ZNF735: variants seen among roughly 807,000 people sequenced by gnomAD.
ZNF735 encodes zinc finger protein 735, also known as putative zinc finger protein 735.
ZNF735 carries 11 observed loss-of-function variants against 13.4 expected under a neutral mutation model. The observed-to-expected ratio is 0.82, with a 90% confidence interval of 0.52 to 1.36. ZNF735 has a LOEUF of 1.36. Ranked by LOEUF, ZNF735 falls within the 40% of genes most tolerant of loss-of-function variation. ZNF735 has a pLI of 0.00. For synonymous variants in ZNF735, 171 were observed against 162.6 expected (o/e 1.05, Z -0.39); for missense variants, 500 against 484.6 (o/e 1.03, Z -0.30).
At chr7:64,217,253 G>A (rs1787433291) in intron 3 of ZNF735, among the ~76,000 whole-genome samples, 1 of 152,176 alleles carries the variant, frequency 6.6e-6, no homozygotes, top group East Asian at 1.9e-4. Flanking sequence ...CATGTGACAT[G>A]TTTGGTTCTT....
intron 1 of ZNF735, among the ~76,000 whole-genome samples, chr7:64,210,756 C>T (rs143789946): frequency 0.021 from 3,246 of 152,148 alleles, 125 homozygotes; most frequent in African/African-American, 0.074. Context: ...TCTCTCATTG[C>T]TCTTAAATCT....
At chr7:64,213,910 G>T in intron 2 of ZNF735, 103 bp from the exon 3 acceptor site, 1 of 1,120,704 alleles carries the variant, frequency 8.9e-7, no homozygotes, top group Non-Finnish European at 1.2e-6. Context: ...AGTGAGCTGA[G>T]ATCATGCCAC....
chr7:64,207,726 C>A (rs915709186), intron 1 of ZNF735, among the ~76,000 whole-genome samples: 24 of 152,144 alleles, frequency 1.6e-4, no homozygotes, highest in African/African-American at 5.8e-4. Flanking sequence ...CGGTGGCTCA[C>A]GCCTGTAATC....
At chr7:64,213,458 A>T (rs1787384113) in intron 2 of ZNF735, among the ~76,000 whole-genome samples, 1 of 152,200 alleles carries the variant, frequency 6.6e-6, no homozygotes. Flanking sequence ...ATGTCATGGC[A>T]TAAAATAGCG....
Position 64,211,378 on chromosome 7 carries a change from A to G in ZNF735, c.40-1714A>G, listed in dbSNP as rs1422655860. 4.6e-5 allele frequency among the ~76,000 whole-genome samples: 7 copies of G among 152,328 alleles called. No individual in the cohort carries two copies. In the East Asian group the frequency reaches 1.4e-3, roughly 29 times the overall value. ...TTCATCTGTGTGCTCTATTAGTTCC[A>G]TGCAGAACAGGGTTTAGAAAATGTT... is the stretch of plus-strand genomic sequence containing the variant. On this transcript the variant is annotated intron_variant, in intron 1 of 3. Coordinates refer to ENST00000429565, the Ensembl canonical transcript of ZNF735.
intron 1 of ZNF735, among the ~76,000 whole-genome samples, chr7:64,211,883 GA>G (rs566518230): frequency 7.3e-5 from 7 of 95,324 alleles, no homozygotes; most frequent in African/African-American, 1.6e-4. Flanking sequence ...AAAGAAAAAA[GA>G]AAAAAAATAT....
At chr7:64,211,365 C>T (rs920005571) in intron 1 of ZNF735, among the ~76,000 whole-genome samples, 3 of 152,148 alleles carry the variant, frequency 2.0e-5, no homozygotes, top group African/African-American at 7.2e-5. Flanking sequence ...CATCTGTGTG[C>T]TCTATTAGTT....
At chr7:64,213,208 G>C (rs545330625) in exon 2 of ZNF735, 7 of 1,603,228 alleles carry the variant, frequency 4.4e-6, no homozygotes, top group Non-Finnish European at 5.9e-6. Context: ...ACAGAAACCT[G>C]TTCTCCCTGG....
chr7:64,213,187 G>C, exon 2 of ZNF735: 1 of 1,610,620 alleles, frequency 6.2e-7, no homozygotes, highest in Non-Finnish European at 8.5e-7. Context: ...GAGATGTGAT[G>C]TTAGAGAACT....
At chr7:64,210,827 T>A (rs200267759) in intron 1 of ZNF735, among the ~76,000 whole-genome samples, 1 of 152,212 alleles carries the variant, frequency 6.6e-6, no homozygotes, top group Non-Finnish European at 1.5e-5. Flanking sequence ...CTTTCTGCCC[T>A]TGGGTGTGTG....
At chr7:64,219,546 C>T (rs1326087960) in exon 4 of ZNF735, 24 of 1,592,462 alleles carry the variant, frequency 1.5e-5, no homozygotes, top group Non-Finnish European at 2.1e-5. Flanking sequence ...GTGTCAAAGT[C>T]TTCAGTAAAT....
At chr7:64,214,247 T>A in intron 3 of ZNF735, 139 bp downstream of exon 3, 1 of 923,438 alleles carries the variant, frequency 1.1e-6, no homozygotes. Flanking sequence ...TTTTATTTTT[T>A]ATTTTTTTTA....
rs1275087394 is a variant in ZNF735, at chr7:64,219,571, A to T, written c.520A>T (p.Arg174Ter). Reference sequence around the variant, plus strand: ...CTTCAGTAAATTTTCAAATTCCAATAGACACAATGCAAGATATACTGGAAA... The same window carrying T: ...CTTCAGTAAATTTTCAAATTCCAATTGACACAATGCAAGATATACTGGAAA... The change falls in exon 4 of 4, where the codon AGA becomes TGA. Residue 174 changes from arginine to a stop codon, truncating the protein, a stop_gained. Transcript: ENST00000429565. LOFTEE classifies it low-confidence loss of function (END_TRUNC). The T allele has an allele frequency of 6.3e-7, 1 of 1,582,358 alleles. No individual in the cohort carries two copies. Among genetic ancestry groups the T allele is most frequent in the Non-Finnish European group, 8.6e-7 (1 of 1,162,504 alleles).
chr7:64,216,509 T>A (rs1218830095), intron 3 of ZNF735, among the ~76,000 whole-genome samples: 1 of 152,196 alleles, frequency 6.6e-6, no homozygotes, highest in South Asian at 2.1e-4. Flanking sequence ...AGTGTGTTTA[T>A]TTCCATATAT....
At chr7:64,214,343 C>G (rs1250099276) in intron 3 of ZNF735, among the ~76,000 whole-genome samples, 1 of 152,114 alleles carries the variant, frequency 6.6e-6, no homozygotes, top group Non-Finnish European at 1.5e-5. Context: ...AATCTTTCTT[C>G]AGGTTCACAG....
chr7:64,213,207 T>G (rs1334469514), exon 2 of ZNF735: 2 of 1,603,770 alleles, frequency 1.2e-6, no homozygotes, highest in African/African-American at 2.7e-5. Context: ...TACAGAAACC[T>G]GTTCTCCCTG....
At chr7:64,215,333 C>T (rs1337627020) in intron 3 of ZNF735, among the ~76,000 whole-genome samples, 1 of 152,176 alleles carries the variant, frequency 6.6e-6, no homozygotes, top group African/African-American at 2.4e-5. Flanking sequence ...TCTGGGATTA[C>T]ATGAGTGAGC....
exon 4 of ZNF735, chr7:64,219,413 A>G: frequency 6.2e-7 from 1 of 1,614,038 alleles, no homozygotes. Flanking sequence ...TGTGGACATG[A>G]GAATTTACAA....
At chr7:64,207,779 G>A (rs939728282) in intron 1 of ZNF735, among the ~76,000 whole-genome samples, 8 of 152,256 alleles carry the variant, frequency 5.3e-5, no homozygotes, top group Admixed American at 2.0e-4. Context: ...ACGAGGTCAG[G>A]TGTTCGAGAC....
Sources: gnomAD v4.1 joint callset for allele counts (sites outside exome capture counted in the v4.1 genomes callset) on GRCh38, gnomAD v4.1.1 for gene constraint, MANE v1.5 for transcripts, NCBI Gene and HGNC (gene_info 2026-07-23, HGNC 2026-07-21) for gene names.